RNF38: variants seen among roughly 807,000 people sequenced by gnomAD.
RNF38 encodes the protein ring finger protein 38.
A neutral mutation model predicts 67.2 loss-of-function variants in RNF38; 15 were observed. That is an observed-to-expected ratio of 0.22 (90% CI 0.15 to 0.34). The LOEUF (loss-of-function observed/expected upper bound fraction) is 0.34, where lower values mean the gene tolerates loss of function less well. Among genes scored for constraint, RNF38 ranks in the 10% least tolerant of loss-of-function variants. The pLI is 1.00. For synonymous variants in RNF38, 220 were observed against 218.8 expected (o/e 1.01, Z -0.05); for missense variants, 524 against 639.9 (o/e 0.82, Z 1.95).
chr9:36,451,912 T>G (rs1458053401), intron 1 of RNF38, among the ~76,000 whole-genome samples: 1 of 151,920 alleles, frequency 6.6e-6, no homozygotes, highest in Admixed American at 6.6e-5. Flanking sequence ...CGAGCAAACT[T>G]TTTTAAAAAA....
At chr9:36,442,566 G>C (rs974071940) in intron 1 of RNF38, among the ~76,000 whole-genome samples, 1 of 152,192 alleles carries the variant, frequency 6.6e-6, no homozygotes. Context: ...CGGATCATGA[G>C]GTCAGGAGAT....
At chr9:36,466,704 T>C (rs1839868888) in intron 1 of RNF38, among the ~76,000 whole-genome samples, 1 of 152,226 alleles carries the variant, frequency 6.6e-6, no homozygotes, top group South Asian at 2.1e-4. Flanking sequence ...TCCCACTTTT[T>C]GTAAATTTAT....
intron 1 of RNF38, among the ~76,000 whole-genome samples, chr9:36,458,728 G>A (rs1234434071): frequency 2.0e-5 from 3 of 151,462 alleles, no homozygotes; most frequent in African/African-American, 7.3e-5. Flanking sequence ...CACTCACCGC[G>A]AGGGTCCGCG....
chr9:36,407,792 A>G (rs1199223686), intron 2 of RNF38, among the ~76,000 whole-genome samples: 3 of 152,104 alleles, frequency 2.0e-5, no homozygotes, highest in Non-Finnish European at 4.4e-5. Flanking sequence ...ACCAAATCCA[A>G]TGGAGACCCA....
In RNF38 at chr9:36,390,634, A is replaced by G. The variant is rs1390472046; in HGVS notation, c.13-18T>C. On this transcript the variant is annotated intron_variant, in intron 1 of 11. Transcript: ENST00000259605. ...GGAGATATCTGGGAAAAAGAGGAAG[A>G]AAAGGATAGTTCATGGCTAGCTGCA... 1 of 1,613,604 alleles carries G rather than the reference A, an allele frequency of 6.2e-7. No individual in the cohort carries two copies. The highest frequency in any genetic ancestry group is 8.5e-7 in the Non-Finnish European group (1 of 1,179,612).
intron 1 of RNF38, among the ~76,000 whole-genome samples, chr9:36,455,621 A>G (rs1456686893): frequency 6.6e-6 from 1 of 152,028 alleles, no homozygotes; most frequent in Non-Finnish European, 1.5e-5. Context: ...TCTCTACTAA[A>G]AGTACAAAAA....
chr9:36,487,665 C>T, upstream of RNF38: 2 of 750,002 alleles, frequency 2.7e-6, no homozygotes, highest in South Asian at 5.8e-5. Flanking sequence ...AGGCGGCTCC[C>T]GAAGGGGGAG....
At chr9:36,476,087 A>C (rs1840114977) in intron 1 of RNF38, among the ~76,000 whole-genome samples, 1 of 152,098 alleles carries the variant, frequency 6.6e-6, no homozygotes, top group South Asian at 2.1e-4. Flanking sequence ...AATTAAGCTA[A>C]AATAAGTCAT....
At chr9:36,340,562 G>A (rs1039545141) in intron 11 of RNF38, among the ~76,000 whole-genome samples, 1 of 151,900 alleles carries the variant, frequency 6.6e-6, no homozygotes, top group East Asian at 1.9e-4. Flanking sequence ...TTTAAAAGAC[G>A]GGTTTCACTA....
At chr9:36,474,279 C>T (rs1393219442) in intron 1 of RNF38, among the ~76,000 whole-genome samples, 2 of 149,656 alleles carry the variant, frequency 1.3e-5, no homozygotes, top group Non-Finnish European at 3.0e-5. Context: ...CGCCACTGCA[C>T]TCCAGCCTGG....
chr9:36,343,890 A>G (rs1422762888), intron 10 of RNF38, among the ~76,000 whole-genome samples: 1 of 152,202 alleles, frequency 6.6e-6, no homozygotes, highest in African/African-American at 2.4e-5. Context: ...TGAGGTAGAA[A>G]TATGACGAGT....
intron 6 of RNF38, among the ~76,000 whole-genome samples, chr9:36,355,406 T>C (rs1037801863): frequency 6.6e-5 from 10 of 152,280 alleles, no homozygotes; most frequent in African/African-American, 2.4e-4. Context: ...TATCTCCCAG[T>C]GTCCCAAAAT....
chr9:36,373,595 T>TA (rs1405475657), intron 3 of RNF38, among the ~76,000 whole-genome samples: 1 of 151,080 alleles, frequency 6.6e-6, no homozygotes, highest in Non-Finnish European at 1.5e-5. Context: ...AGCCCTTTTT[T>TA]TTTTTTTTTT....
chr9:36,436,501 T>C (rs1211994170), intron 1 of RNF38, among the ~76,000 whole-genome samples: 2 of 152,148 alleles, frequency 1.3e-5, no homozygotes, highest in Non-Finnish European at 2.9e-5. Flanking sequence ...GTGGAAAATA[T>C]ATAACTTACA....
intron 1 of RNF38, among the ~76,000 whole-genome samples, chr9:36,451,481 A>C (rs1357325792): frequency 7.0e-6 from 1 of 143,598 alleles, no homozygotes; most frequent in Admixed American, 7.0e-5. Flanking sequence ...AAGAAAAAAA[A>C]ATTGTAGTAG....
chr9:36,387,198 G>A (rs564693098), intron 2 of RNF38, among the ~76,000 whole-genome samples: 2 of 152,162 alleles, frequency 1.3e-5, no homozygotes. Context: ...GCAGGCCTTA[G>A]GGCTGCTCTC....
intron 4 of RNF38, among the ~76,000 whole-genome samples, chr9:36,368,184 T>G (rs1376091329): frequency 6.6e-6 from 1 of 152,086 alleles, no homozygotes; most frequent in Non-Finnish European, 1.5e-5. Context: ...AAAGACGGAT[T>G]TTGTTATGCT....
intron 1 of RNF38, among the ~76,000 whole-genome samples, chr9:36,482,788 G>T (rs1330309816): frequency 6.6e-6 from 1 of 152,202 alleles, no homozygotes; most frequent in Non-Finnish European, 1.5e-5. Flanking sequence ...AAGTTCACAT[G>T]GAGAACTCTT....
chr9:36,361,399 G>A (rs146917789), intron 4 of RNF38, among the ~76,000 whole-genome samples: 1,876 of 149,708 alleles, frequency 0.013, 37 homozygotes, highest in African/African-American at 0.042. Context: ...TCCTGACCTC[G>A]TGATCCGCCC....
Sources: allele counts gnomAD v4.1 joint callset (sites outside exome capture counted in the v4.1 genomes callset), GRCh38; gene constraint gnomAD v4.1.1; transcripts MANE v1.5; gene names NCBI Gene and HGNC (gene_info 2026-07-23, HGNC 2026-07-21).